Variants in CATSPERD observed in about 807,000 individuals in gnomAD.
CATSPERD encodes catsper channel auxiliary subunit delta.
A neutral mutation model predicts 98.1 loss-of-function variants in CATSPERD; 86 were observed. The observed-to-expected ratio is 0.88, with a 90% CI of 0.74 to 1.05. The LOEUF (loss-of-function observed/expected upper bound fraction) is 1.05. Ranked by LOEUF, CATSPERD falls within the 50% of genes least tolerant of loss-of-function variation. The probability of loss-of-function intolerance (pLI) is 0.00; values close to 1 mark genes in which losing one functional copy is unlikely to be tolerated. For synonymous variants in CATSPERD, 394 were observed against 390.2 expected (o/e 1.01, Z -0.12); for missense variants, 995 against 1,005.7 (o/e 0.99, Z 0.14).
At chr19:5,728,374 A>T in intron 3 of CATSPERD, among the ~76,000 whole-genome samples, 1 of 141,400 alleles carries the variant, frequency 7.1e-6, no homozygotes, top group African/African-American at 2.7e-5. Flanking sequence ...AAAAAAAAAA[A>T]GAAAAAGAAA....
rs182575686 is a variant in CATSPERD, at chr19:5,754,472, C to T, written c.1278+227C>T. Among the ~76,000 whole-genome samples the T allele has an allele frequency of 7.5e-5, 11 of 147,586 alleles. No individual in the cohort carries two copies. The East Asian group carries it at 2.0e-3, about 27-fold the overall frequency. On this transcript the variant is annotated intron_variant, in intron 13 of 21. Transcript: ENST00000381624. ...GGAGTGCAGTGGCGTGATCTCGGCTCACTGCAGCCTCCACCTCCTGGGCTC... is the reference window on the plus strand; with the variant it reads ...GGAGTGCAGTGGCGTGATCTCGGCTTACTGCAGCCTCCACCTCCTGGGCTC...
intron 6 of CATSPERD, among the ~76,000 whole-genome samples, chr19:5,739,058 TTTCA>T (rs2055904840): frequency 6.6e-6 from 1 of 151,038 alleles, no homozygotes; most frequent in Non-Finnish European, 1.5e-5. Flanking sequence ...AGAGATGGGG[TTTCA>T]TTATGTTGGC....
intron 16 of CATSPERD, among the ~76,000 whole-genome samples, chr19:5,763,625 TG>T (rs2056483593): frequency 6.6e-6 from 1 of 151,624 alleles, no homozygotes; most frequent in Admixed American, 6.6e-5. Flanking sequence ...GAAAGTAGGA[TG>T]GGGGGTGTCA....
chr19:5,747,610 C>CTTTTTTTTTTTTT (rs10603074), intron 9 of CATSPERD, among the ~76,000 whole-genome samples: 4 of 87,656 alleles, frequency 4.6e-5, no homozygotes, highest in Non-Finnish European at 4.6e-5. Context: ...TTTTTCTTTT[C>CTTTTTTTTTTTTT]TTTTTTTTTT....
chr19:5,756,707 G>A (rs1213633581), intron 13 of CATSPERD, among the ~76,000 whole-genome samples: 1 of 152,090 alleles, frequency 6.6e-6, no homozygotes, highest in Admixed American at 6.6e-5. Flanking sequence ...CACTTTGGGA[G>A]GCCGAGGTGG....
At chr19:5,721,728 T>C (rs2055483789) in intron 1 of CATSPERD, among the ~76,000 whole-genome samples, 1 of 151,492 alleles carries the variant, frequency 6.6e-6, no homozygotes. Flanking sequence ...CTCACGCCTG[T>C]AATCCCAACA....
intron 13 of CATSPERD, among the ~76,000 whole-genome samples, chr19:5,757,585 C>G (rs1054932235): frequency 6.7e-6 from 1 of 148,430 alleles, no homozygotes; most frequent in African/African-American, 2.5e-5. Flanking sequence ...GCGTGAGCCA[C>G]CGCGCCTGGC....
rs757046709 is a variant in CATSPERD at position 5,757,824 on chromosome 19, T to A, written c.1279-19T>A. On this transcript the variant is annotated intron_variant, in intron 13 of 21. Transcript: ENST00000381624. ...CCTGCTGGCTCCGTACAGCCTGAGCTTCTCTCCCCCACTCCCAGGTGATGG... is the reference window on the plus strand; with the variant it reads ...CCTGCTGGCTCCGTACAGCCTGAGCATCTCTCCCCCACTCCCAGGTGATGG... 2 of 1,605,516 alleles carry A rather than the reference T, an allele frequency of 1.2e-6. No individual in the cohort carries two copies. The highest frequency in any genetic ancestry group is 2.7e-5 in the African/African-American group (2 of 74,820).
chr19:5,743,911 C>G (rs2056045786), intron 7 of CATSPERD, among the ~76,000 whole-genome samples: 1 of 152,148 alleles, frequency 6.6e-6, no homozygotes, highest in Admixed American at 6.6e-5. Context: ...CAGTCTGGGT[C>G]ATATCATTTT....
At chr19:5,725,443 G>GC (rs1390861397) in intron 2 of CATSPERD, among the ~76,000 whole-genome samples, 1 of 152,112 alleles carries the variant, frequency 6.6e-6, no homozygotes, top group Non-Finnish European at 1.5e-5. Context: ...TCACCACCGT[G>GC]CCCAGCCTTG....
In CATSPERD at chr19:5,778,583, G is replaced by C. The variant is rs527893990; in HGVS notation, c.2304G>C (p.Thr768=). Residue 768 remains threonine, a synonymous_variant, in exon 22 of 22, where the codon ACG becomes ACC. Transcript: ENST00000381624. ...CACAGCTGTGTAGGAGATGCAAGAC[G>C]GTCTGCCAGTTCAGGGCCTCAGCCA... is the stretch of plus-strand genomic sequence containing the variant. The part of the protein sequence containing the change: ...CATQLCRRCK[T]VCQFRASATA... 1.2e-6 allele frequency: 2 copies of C among 1,613,802 alleles called. No homozygotes were observed. Among genetic ancestry groups the C allele is most frequent in the Admixed American group, 1.7e-5 (1 of 59,990 alleles).
chr19:5,763,050 A>G (rs2056472852), intron 15 of CATSPERD, among the ~76,000 whole-genome samples, 165 bp from the exon 16 acceptor site: 1 of 149,866 alleles, frequency 6.7e-6, no homozygotes. Context: ...GGGTGGATGG[A>G]TGGATGAATG....
intron 16 of CATSPERD, among the ~76,000 whole-genome samples, chr19:5,764,806 G>A (rs1192053332): frequency 6.6e-6 from 1 of 151,536 alleles, no homozygotes; most frequent in East Asian, 1.9e-4. Flanking sequence ...ATAGAAATGG[G>A]GTTTCACCAC....
In CATSPERD at chr19:5,739,435, G is replaced by A; in HGVS notation, c.569G>A (p.Arg190Lys). Residue 190 changes from arginine (R) to lysine (K), a missense_variant, in exon 7 of 22, where the codon AGA becomes AAA. This residue lies in a region of CATSPERD where 762 missense variants were observed against 773.7 expected (regional missense o/e 0.98). Coordinates refer to ENST00000381624, the MANE Select transcript of CATSPERD (RefSeq NM_152784.4). The stretch of plus-strand genomic sequence containing the variant: ...AGTTTTTGGAAGTATCACTATGACA[G>A]ACAGGTATGTTAAATTTGGTAAGAA... ...GFSFWKYHYD[R>K]QAEIIGSLGG... 1 of 1,463,470 alleles carries A rather than the reference G, an allele frequency of 6.8e-7. No individual in the cohort carries two copies. Among genetic ancestry groups the A allele is most frequent in the Non-Finnish European group, 9.4e-7 (1 of 1,062,346 alleles). The allele number at this position is 1,463,470 out of a possible 1,614,324, so 90.7% of individuals were successfully genotyped here. A position where few individuals can be genotyped will look rare whatever the true frequency, so the allele number is the denominator to read the frequency against.
intron 11 of CATSPERD, among the ~76,000 whole-genome samples, chr19:5,750,940 C>T (rs1397275710): frequency 1.3e-5 from 2 of 151,402 alleles, no homozygotes; most frequent in Non-Finnish European, 2.9e-5. Flanking sequence ...CATGGCCGGG[C>T]GTGGTGGCTC....
At chr19:5,752,695 C>T (rs1269418495) in intron 12 of CATSPERD, among the ~76,000 whole-genome samples, 7 of 152,008 alleles carry the variant, frequency 4.6e-5, no homozygotes, top group Non-Finnish European at 1.0e-4. Flanking sequence ...TTGAGAAATG[C>T]TGCGGGCCCA....
At chr19:5,771,203 C>A in intron 19 of CATSPERD, 131 bp downstream of exon 19, 2 of 1,056,974 alleles carry the variant, frequency 1.9e-6, no homozygotes, top group Non-Finnish European at 2.7e-6. Flanking sequence ...TGTTTCCCAC[C>A]GTGCTCCTGC....
intron 4 of CATSPERD, among the ~76,000 whole-genome samples, chr19:5,732,589 C>T (rs1023368128): frequency 2.6e-5 from 4 of 151,724 alleles, no homozygotes; most frequent in East Asian, 1.9e-4. Flanking sequence ...CCCGCCACCA[C>T]GCCCGGCTAA....
intron 16 of CATSPERD, among the ~76,000 whole-genome samples, chr19:5,764,329 T>G (rs1374259873): frequency 6.6e-6 from 1 of 151,986 alleles, no homozygotes; most frequent in African/African-American, 2.4e-5. Flanking sequence ...TTTTTTTTAT[T>G]TTTTGAGACG....
Sources: allele counts gnomAD v4.1 joint callset (sites outside exome capture counted in the v4.1 genomes callset), GRCh38; gene constraint gnomAD v4.1.1; regional missense constraint gnomAD v4.1.1; transcripts MANE v1.5; gene names NCBI Gene and HGNC (gene_info 2026-07-23, HGNC 2026-07-21).